Variants in CCDC85A observed in about 807,000 individuals in gnomAD.
The protein encoded by CCDC85A is coiled-coil domain containing 85A.
In CCDC85A, 38 loss-of-function variants were observed where a neutral mutation model predicts 50.2. The ratio of observed to expected loss-of-function variants is 0.76; its 90% confidence interval spans 0.58 to 0.99. The LOEUF (loss-of-function observed/expected upper bound fraction) is 0.99. CCDC85A is among the 50% of genes least tolerant of loss of function. The pLI, the probability that CCDC85A is intolerant of heterozygous loss-of-function variation, is 0.00. For synonymous variants in CCDC85A, 366 were observed against 301.4 expected, an observed-to-expected ratio of 1.21 and a Z score of -2.22; for missense variants, 820 against 742.0, an observed-to-expected ratio of 1.11 and a Z score of -1.22.
intron 2 of CCDC85A, among the ~76,000 whole-genome samples, chr2:56,299,627 C>G (rs1374000302): frequency 6.6e-6 from 1 of 152,092 alleles, no homozygotes; most frequent in East Asian, 1.9e-4. Context: ...GTCTGTCTGA[C>G]TCAGAAAAGG....
chr2:56,210,454 G>A lies in CCDC85A; in HGVS notation c.1240+17014G>A, dbSNP rs532140096. ...GTGACAAACCACCTCAACACTTAGT[G>A]TTGTGAAACATCAGCCTTTCATTAT... is the stretch of plus-strand genomic sequence containing the variant. On this transcript the variant is annotated intron_variant, in intron 2 of 5. Coordinates refer to ENST00000407595, the MANE Select transcript of CCDC85A (RefSeq NM_001080433.2). 2.6e-5 allele frequency among the ~76,000 whole-genome samples: 4 copies of A among 152,150 alleles called. No individual in the cohort carries two copies. In the South Asian group the frequency reaches 6.2e-4, roughly 24 times the overall value.
chr2:56,362,977 A>G (rs1240862700), intron 3 of CCDC85A, among the ~76,000 whole-genome samples: 1 of 152,078 alleles, frequency 6.6e-6, no homozygotes, highest in Non-Finnish European at 1.5e-5. Flanking sequence ...ACTTACTTCA[A>G]TGGACTGACT....
intron 2 of CCDC85A, among the ~76,000 whole-genome samples, chr2:56,306,398 GAT>G (rs1483975927): frequency 6.6e-6 from 1 of 152,140 alleles, no homozygotes; most frequent in Non-Finnish European, 1.5e-5. Context: ...AAAGTGCTGA[GAT>G]TACAGGTGTA....
chr2:56,277,613 C>T (rs1048961971), intron 2 of CCDC85A, among the ~76,000 whole-genome samples: 2 of 152,316 alleles, frequency 1.3e-5, no homozygotes, highest in African/African-American at 4.8e-5. Context: ...TTTTCTGAAA[C>T]CCTCGATAGA....
At chr2:56,242,509 T>C (rs1166713115) in intron 2 of CCDC85A, among the ~76,000 whole-genome samples, 2 of 152,118 alleles carry the variant, frequency 1.3e-5, no homozygotes, top group Non-Finnish European at 2.9e-5. Context: ...CCAGATCTCA[T>C]GTGAAATCAG....
intron 2 of CCDC85A, among the ~76,000 whole-genome samples, chr2:56,324,853 G>A (rs1479920452): frequency 6.6e-6 from 1 of 152,000 alleles, no homozygotes; most frequent in Non-Finnish European, 1.5e-5. Flanking sequence ...TCAGACTTGG[G>A]CTTACAAACA....
At chr2:56,206,866 T>A (rs1676983770) in intron 2 of CCDC85A, among the ~76,000 whole-genome samples, 1 of 152,182 alleles carries the variant, frequency 6.6e-6, no homozygotes, top group Admixed American at 6.5e-5. Flanking sequence ...TTGTAAAGGT[T>A]ATGCTGAATT....
rs542290619 is a variant in CCDC85A, at chr2:56,333,939, T to A, written c.1241-8940T>A. On this transcript the variant is annotated intron_variant, in intron 2 of 5. Coordinates refer to ENST00000407595, the MANE Select transcript of CCDC85A (RefSeq NM_001080433.2). ...CAAGCTGCTGTCACTTCCCTCTCCA[T>A]GACTAGATTCCAGAATATGGGTCTT... Among the ~76,000 whole-genome samples the A allele has an allele frequency of 1.1e-4, 17 of 152,320 alleles. No homozygotes were observed. The East Asian group carries it at 3.1e-3, about 28-fold the overall frequency.
chr2:56,378,423 A>G lies in CCDC85A; in HGVS notation c.1572+2488A>G, dbSNP rs539242975. 7.2e-5 allele frequency among the ~76,000 whole-genome samples: 11 copies of G among 152,354 alleles called. No individual in the cohort carries two copies. The East Asian group carries it at 2.1e-3, about 29-fold the overall frequency. On this transcript the variant is annotated intron_variant, in intron 5 of 5. Transcript: ENST00000407595. ...GCTTTACTTCATTTAGTAAAAATTA[A>G]CTGATTTGAAGTACACTTCTCTGAG...
chr2:56,372,635 T>G (rs978406560), intron 4 of CCDC85A, among the ~76,000 whole-genome samples, 157 bp downstream of exon 4: 1 of 152,090 alleles, frequency 6.6e-6, no homozygotes, highest in Non-Finnish European at 1.5e-5. Flanking sequence ...GGAGTAGAAT[T>G]TTTCACCTCC....
intron 3 of CCDC85A, among the ~76,000 whole-genome samples, chr2:56,350,636 G>T (rs147099903): frequency 1.3e-5 from 2 of 151,982 alleles, no homozygotes; most frequent in African/African-American, 4.8e-5. Context: ...GTGATTTCCA[G>T]TAGAGCAGTC....
intron 2 of CCDC85A, among the ~76,000 whole-genome samples, chr2:56,327,653 G>A (rs1673543437): frequency 3.9e-5 from 6 of 151,982 alleles, no homozygotes; most frequent in Middle Eastern, 3.4e-3. Context: ...TATTCAGCAT[G>A]GTATAGTTCA....
At chr2:56,277,290 A>G (rs1670994927) in intron 2 of CCDC85A, among the ~76,000 whole-genome samples, 1 of 152,178 alleles carries the variant, frequency 6.6e-6, no homozygotes, top group Non-Finnish European at 1.5e-5. Flanking sequence ...TCTTGCAGAC[A>G]TGATTAAGCC....
chr2:56,225,985 C>T (rs1028780199), intron 2 of CCDC85A, among the ~76,000 whole-genome samples: 1 of 152,168 alleles, frequency 6.6e-6, no homozygotes, highest in Admixed American at 6.5e-5. Flanking sequence ...CATTTTCCTG[C>T]TCAACACATT....
At chr2:56,310,950 T>G (rs756637188) in intron 2 of CCDC85A, among the ~76,000 whole-genome samples, 1 of 152,212 alleles carries the variant, frequency 6.6e-6, no homozygotes, top group Non-Finnish European at 1.5e-5. Context: ...CAAGGAACTC[T>G]TAGTCCTTGC....
chr2:56,341,215 A>G (rs1011796679), intron 2 of CCDC85A, among the ~76,000 whole-genome samples: 18 of 152,116 alleles, frequency 1.2e-4, no homozygotes, highest in African/African-American at 4.3e-4. Flanking sequence ...TTAAACTGCT[A>G]TTTTTCCTCT....
intron 2 of CCDC85A, among the ~76,000 whole-genome samples, chr2:56,287,949 T>A (rs1671519853): frequency 6.6e-6 from 1 of 152,064 alleles, no homozygotes; most frequent in Non-Finnish European, 1.5e-5. Flanking sequence ...CACAGAGAGC[T>A]GCCATAGGGT....
At chr2:56,346,750 T>C (rs1337974726) in intron 3 of CCDC85A, among the ~76,000 whole-genome samples, 4 of 152,248 alleles carry the variant, frequency 2.6e-5, no homozygotes, top group African/African-American at 9.6e-5. Flanking sequence ...ACCTGGACTT[T>C]AGGATATTCT....
intron 2 of CCDC85A, among the ~76,000 whole-genome samples, chr2:56,225,218 T>A (rs1668493262): frequency 6.6e-6 from 1 of 152,038 alleles, no homozygotes; most frequent in South Asian, 2.1e-4. Flanking sequence ...AGGTCAGGAG[T>A]TCGAGATCAG....
Sources: gnomAD v4.1 joint callset for allele counts (sites outside exome capture counted in the v4.1 genomes callset) on GRCh38, gnomAD v4.1.1 for gene constraint, MANE v1.5 for transcripts, NCBI Gene and HGNC (gene_info 2026-07-23, HGNC 2026-07-21) for gene names.